ZEB1: variants seen among roughly 807,000 people sequenced by gnomAD.
ZEB1 encodes zinc finger E-box-binding homeobox 1.
Under a neutral mutation model 84.9 loss-of-function variants are expected in ZEB1, and 21 were observed. That is an observed-to-expected ratio of 0.25 (90% CI 0.18 to 0.36). ZEB1 has a LOEUF of 0.36. Among genes scored for constraint, ZEB1 ranks in the 10% least tolerant of loss-of-function variants. The pLI, the probability that ZEB1 is intolerant of heterozygous loss-of-function variation, is 1.00. For synonymous variants in ZEB1, 420 were observed against 471.1 expected (o/e 0.89, Z 1.41); for missense variants, 1,104 against 1,330.2 (o/e 0.83, Z 2.65).
chr10:31,395,657 G>A (rs976374188), intron 1 of ZEB1, among the ~76,000 whole-genome samples: 2 of 152,158 alleles, frequency 1.3e-5, no homozygotes, highest in African/African-American at 2.4e-5. Context: ...ACATCAGAGA[G>A]CAGGTTGAAT....
chr10:31,363,574 G>C, intron 1 of ZEB1: 1 of 1,525,496 alleles, frequency 6.6e-7, no homozygotes, highest in Non-Finnish European at 8.8e-7. Flanking sequence ...CACCTCTGTT[G>C]CTTCTTTGGG....
chr10:31,371,461 T>C (rs2045685323), intron 1 of ZEB1, among the ~76,000 whole-genome samples: 1 of 152,256 alleles, frequency 6.6e-6, no homozygotes, highest in African/African-American at 2.4e-5. Context: ...CAGTTTGCTT[T>C]GTGGGTTTCA....
intron 1 of ZEB1, among the ~76,000 whole-genome samples, chr10:31,386,443 G>C (rs1025564616): frequency 1.3e-5 from 2 of 151,544 alleles, no homozygotes; most frequent in Admixed American, 6.6e-5. Context: ...TTAATTTTAT[G>C]TAAGTTTCAC....
intron 1 of ZEB1, among the ~76,000 whole-genome samples, chr10:31,397,595 C>T (rs2051044500): frequency 6.6e-6 from 1 of 152,162 alleles, no homozygotes; most frequent in Admixed American, 6.5e-5. Flanking sequence ...ATCTTTTGCA[C>T]AACTGTTTAA....
At chr10:31,350,795 T>G (rs1172531100) in intron 1 of ZEB1, among the ~76,000 whole-genome samples, 1 of 152,174 alleles carries the variant, frequency 6.6e-6, no homozygotes. Flanking sequence ...AATTGGAAAT[T>G]GAAATTACTG....
chr10:31,373,367 ATACT>A (rs1200977005), intron 1 of ZEB1, among the ~76,000 whole-genome samples: 3 of 151,944 alleles, frequency 2.0e-5, no homozygotes, highest in Admixed American at 6.6e-5. Context: ...GAGATTTTAC[ATACT>A]TAATGTTGAT....
At chr10:31,509,983 G>T (rs2069683837) in intron 4 of ZEB1, among the ~76,000 whole-genome samples, 1 of 152,130 alleles carries the variant, frequency 6.6e-6, no homozygotes, top group African/African-American at 2.4e-5. Flanking sequence ...TTATATAGCA[G>T]ATTTGCCAGT....
chr10:31,522,934 C>A (rs960657264), intron 7 of ZEB1, among the ~76,000 whole-genome samples: 2 of 152,056 alleles, frequency 1.3e-5, no homozygotes, highest in African/African-American at 4.8e-5. Flanking sequence ...GTGTACAGAA[C>A]ACTTTGCATG....
At chr10:31,323,736 T>A (rs887752514) in intron 1 of ZEB1, among the ~76,000 whole-genome samples, 3 of 152,110 alleles carry the variant, frequency 2.0e-5, no homozygotes, top group African/African-American at 7.2e-5. Context: ...TTATGTCTTT[T>A]CATTTTGTGT....
intron 1 of ZEB1, among the ~76,000 whole-genome samples, chr10:31,425,266 G>A (rs994608753): frequency 6.6e-6 from 1 of 152,002 alleles, no homozygotes; most frequent in African/African-American, 2.4e-5. Flanking sequence ...AAGAAATCTA[G>A]GAAAGCATTT....
chr10:31,447,284 C>A (rs1402852173), intron 1 of ZEB1, among the ~76,000 whole-genome samples: 10 of 147,796 alleles, frequency 6.8e-5, no homozygotes, highest in Non-Finnish European at 1.5e-4. Context: ...TTCCTCCATC[C>A]TTTTATTTTG....
intron 1 of ZEB1, among the ~76,000 whole-genome samples, chr10:31,425,954 T>C: frequency 6.6e-6 from 1 of 152,190 alleles, no homozygotes; most frequent in East Asian, 1.9e-4. Flanking sequence ...AGTGTGATGA[T>C]ATATTCAAAG....
chr10:31,349,989 G>A (rs2041040276), intron 1 of ZEB1, among the ~76,000 whole-genome samples: 2 of 152,046 alleles, frequency 1.3e-5, no homozygotes, highest in Admixed American at 1.3e-4. Context: ...GAAAGTCATT[G>A]CCCATACCAG....
Position 31,461,147 on chromosome 10 carries a change from C to A in ZEB1, c.169C>A (p.Pro57Thr), listed in dbSNP as rs1449875279. 2 of 1,613,288 alleles carry A rather than the reference C, an allele frequency of 1.2e-6. No individual in the cohort carries two copies. Among genetic ancestry groups the A allele is most frequent in the Non-Finnish European group, 1.7e-6 (2 of 1,179,714 alleles). Residue 57 changes from proline (P) to threonine (T), a missense_variant, in exon 2 of 9, where the codon CCA becomes ACA. By Grantham distance (38) the Pro-to-Thr change is conservative (BLOSUM62 -1). Coordinates refer to ENST00000424869, the MANE Select transcript of ZEB1 (RefSeq NM_001174096.2). The part of the protein sequence containing the change: ...VTDAADCEGV[P>T]EDDLPTDQTV... ...AGATGCAGCTGACTGTGAAGGTGTA[C>A]CAGAGGATGACCTGCCAACAGACCA...
intron 1 of ZEB1, among the ~76,000 whole-genome samples, chr10:31,438,305 A>G (rs1292257086): frequency 6.6e-6 from 1 of 152,240 alleles, no homozygotes; most frequent in Non-Finnish European, 1.5e-5. Context: ...CATACTTTAA[A>G]TAGACTACTA....
Position 31,323,686 on chromosome 10 carries a change from T to C in ZEB1, c.58+4394T>C, listed in dbSNP as rs1318634105. Among the ~76,000 whole-genome samples the C allele has an allele frequency of 2.6e-5, 4 of 152,222 alleles. 1 individual carries two copies. The highest frequency in any genetic ancestry group is 2.0e-4 in the Admixed American group (3 of 15,292). On this transcript the variant is annotated intron_variant, in intron 1 of 8. Coordinates refer to ENST00000424869, the MANE Select transcript of ZEB1 (RefSeq NM_001174096.2). The stretch of plus-strand genomic sequence containing the variant: ...TTAAATAATTCCTTTCAAGAAACTA[T>C]ATAAATTGCATATAAATAATTGCAT...
chr10:31,404,575 T>C (rs1312739553), intron 1 of ZEB1, among the ~76,000 whole-genome samples: 1 of 152,180 alleles, frequency 6.6e-6, no homozygotes, highest in African/African-American at 2.4e-5. Flanking sequence ...GTAATCACTT[T>C]ATAGTTTTCT....
At chr10:31,360,102 T>G (rs1413432671) in intron 1 of ZEB1, among the ~76,000 whole-genome samples, 1 of 152,180 alleles carries the variant, frequency 6.6e-6, no homozygotes, top group African/African-American at 2.4e-5. Flanking sequence ...TGAAGAGCAC[T>G]TCAATGAGTA....
At chr10:31,445,513 T>C (rs2059642502) in intron 1 of ZEB1, among the ~76,000 whole-genome samples, 1 of 151,200 alleles carries the variant, frequency 6.6e-6, no homozygotes, top group Non-Finnish European at 1.5e-5. Context: ...AGGGAATGCT[T>C]CCAGTTTTTG....
Sources: gnomAD v4.1 joint callset for allele counts (sites outside exome capture counted in the v4.1 genomes callset) on GRCh38, gnomAD v4.1.1 for gene constraint, MANE v1.5 for transcripts, NCBI Gene and HGNC (gene_info 2026-07-23, HGNC 2026-07-21) for gene names.